Variants in KDM4C observed in about 807,000 individuals in gnomAD.
KDM4C encodes the protein lysine-specific demethylase 4C.
KDM4C carries 81 observed loss-of-function variants against 129.3 expected under a neutral mutation model. That is an observed-to-expected ratio of 0.63 (90% CI 0.52 to 0.75). The LOEUF is 0.75. Among genes scored for constraint, KDM4C ranks in the 30% least tolerant of loss-of-function variants. KDM4C has a pLI of 0.00. For synonymous variants in KDM4C, 573 were observed against 456.1 expected, an observed-to-expected ratio of 1.26 and a Z score of -3.26; for missense variants, 1,457 against 1,304.0, an observed-to-expected ratio of 1.12 and a Z score of -1.81.
intron 8 of KDM4C, among the ~76,000 whole-genome samples, chr9:6,911,646 A>C (rs1819331226): frequency 6.6e-6 from 1 of 152,226 alleles, no homozygotes; most frequent in South Asian, 2.1e-4. Flanking sequence ...TTTAGTTCAA[A>C]AGGGAGAAAT....
chr9:6,846,537 G>T (rs1183832396), intron 4 of KDM4C, among the ~76,000 whole-genome samples: 1 of 149,820 alleles, frequency 6.7e-6, no homozygotes, highest in Non-Finnish European at 1.5e-5. Context: ...AAAGAATTTT[G>T]AAACAATAAG....
intron 17 of KDM4C, among the ~76,000 whole-genome samples, chr9:7,058,087 G>T (rs1831116900): frequency 6.6e-6 from 1 of 152,114 alleles, no homozygotes; most frequent in African/African-American, 2.4e-5. Context: ...CCACCTTCTT[G>T]TAGAGGAAAT....
chr9:6,822,743 AT>A (rs1156309191), intron 4 of KDM4C, among the ~76,000 whole-genome samples: 3 of 152,234 alleles, frequency 2.0e-5, no homozygotes, highest in Non-Finnish European at 2.9e-5. Flanking sequence ...AAAGATAAAG[AT>A]AAAAGAGGGA....
chr9:7,166,868 G>C (rs1402100823), intron 20 of KDM4C, among the ~76,000 whole-genome samples: 4 of 151,910 alleles, frequency 2.6e-5, no homozygotes, highest in African/African-American at 9.7e-5. Context: ...AAAAAGTTAA[G>C]ACTAATATTA....
chr9:6,954,243 T>C (rs2131540054), intron 8 of KDM4C, among the ~76,000 whole-genome samples: 1 of 152,316 alleles, frequency 6.6e-6, no homozygotes, highest in Admixed American at 6.5e-5. Flanking sequence ...CAATATGACT[T>C]TCTCCTCTTT....
At chr9:6,868,606 C>G (rs890212159) in intron 5 of KDM4C, among the ~76,000 whole-genome samples, 1 of 152,178 alleles carries the variant, frequency 6.6e-6, no homozygotes, top group Non-Finnish European at 1.5e-5. Flanking sequence ...AATGTTAATG[C>G]TATGTAAATA....
intron 18 of KDM4C, among the ~76,000 whole-genome samples, chr9:7,114,552 A>G (rs531972630): frequency 6.6e-6 from 1 of 152,222 alleles, no homozygotes; most frequent in Non-Finnish European, 1.5e-5. Context: ...TGGTTTCAGG[A>G]GAAATATTTA....
intron 4 of KDM4C, among the ~76,000 whole-genome samples, chr9:6,816,364 C>G (rs964519929): frequency 6.6e-6 from 1 of 152,150 alleles, no homozygotes; most frequent in Non-Finnish European, 1.5e-5. Context: ...ATTACCAGCA[C>G]CGTAGAATTC....
chr9:7,014,083 A>G (rs1823203374), intron 14 of KDM4C, 82 bp downstream of exon 14: 3 of 1,093,826 alleles, frequency 2.7e-6, no homozygotes, highest in Non-Finnish European at 4.0e-6. Context: ...GGAACCTGTC[A>G]GATCTGTTGC....
chr9:6,745,994 C>T (rs13290233), intron 1 of KDM4C, among the ~76,000 whole-genome samples: 42,884 of 151,726 alleles, frequency 0.28, 6,526 homozygotes, highest in East Asian at 0.41. Flanking sequence ...TTAGTACAGA[C>T]GGGGTTTCAC....
At chr9:6,977,872 A>T (rs2131776559) in intron 8 of KDM4C, among the ~76,000 whole-genome samples, 1 of 152,064 alleles carries the variant, frequency 6.6e-6, no homozygotes, top group East Asian at 1.9e-4. Flanking sequence ...CTATGCACTT[A>T]CTTCCCCTTG....
intron 1 of KDM4C, among the ~76,000 whole-genome samples, chr9:6,789,495 C>T (rs1826124674): frequency 6.6e-6 from 1 of 151,992 alleles, no homozygotes; most frequent in Non-Finnish European, 1.5e-5. Context: ...GTTGGGATTA[C>T]AGGCGTGAGC....
intron 19 of KDM4C, among the ~76,000 whole-genome samples, chr9:7,135,077 T>C (rs1841047084): frequency 1.3e-5 from 2 of 152,326 alleles, no homozygotes; most frequent in South Asian, 4.1e-4. Context: ...TGCAGTTGCA[T>C]CTTGTTCCTT....
intron 19 of KDM4C, among the ~76,000 whole-genome samples, chr9:7,142,491 C>G (rs545102732): frequency 1.3e-5 from 2 of 152,266 alleles, no homozygotes; most frequent in East Asian, 3.9e-4. Flanking sequence ...GAGGCTGATG[C>G]ATCTGCTATG....
At chr9:6,973,376 A>G (rs571398860) in intron 8 of KDM4C, among the ~76,000 whole-genome samples, 22 of 152,330 alleles carry the variant, frequency 1.4e-4, no homozygotes, top group African/African-American at 4.8e-4. Context: ...AGAAAATCAA[A>G]TAGACTAAAA....
At chr9:6,988,114 C>T (rs1234387612) in intron 11 of KDM4C, among the ~76,000 whole-genome samples, 1 of 148,438 alleles carries the variant, frequency 6.7e-6, no homozygotes, top group Non-Finnish European at 1.5e-5. Flanking sequence ...GTGATCCCAC[C>T]ACTGCACTCT....
At chr9:6,804,897 T>G (rs1829682197) in intron 2 of KDM4C, among the ~76,000 whole-genome samples, 1 of 151,998 alleles carries the variant, frequency 6.6e-6, no homozygotes, top group East Asian at 1.9e-4. Context: ...TAAACATAAT[T>G]TCGTCTTTTT....
At chr9:6,989,567 A>G (rs1054551722) in intron 11 of KDM4C, among the ~76,000 whole-genome samples, 4 of 152,176 alleles carry the variant, frequency 2.6e-5, no homozygotes, top group Admixed American at 6.5e-5. Context: ...ATGTATCATT[A>G]AAAAAAGAGA....
chr9:7,175,619 GT>G lies in KDM4C; in HGVS notation c.*893del, dbSNP rs1845366356. 2.0e-5 allele frequency: 3 copies of G among 152,384 alleles called. No homozygotes were observed. In the South Asian group the frequency reaches 6.2e-4, roughly 32 times the overall value. 9.4% of individuals were successfully genotyped at this position (152,384 alleles called of 1,614,324 possible). ...TAAAACAGCCTGAAAATGTACTAGT[GT>G]TTAAAAATAAAGATTTCCATTTTCT... On this transcript the variant is annotated 3_prime_UTR_variant, in exon 22 of 22. Transcript: ENST00000381309.
Sources: gnomAD v4.1 joint callset for allele counts (sites outside exome capture counted in the v4.1 genomes callset) on GRCh38, gnomAD v4.1.1 for gene constraint, MANE v1.5 for transcripts, NCBI Gene and HGNC (gene_info 2026-07-23, HGNC 2026-07-21) for gene names.